The following SFMBT2 variants were observed in gnomAD, a reference collection of about 807,000 sequenced individuals.
SFMBT2 encodes the protein Scm like with four mbt domains 2.
SFMBT2 carries 38 observed loss-of-function variants against 110.1 expected under a neutral mutation model. That is an observed-to-expected ratio of 0.35 (90% CI 0.27 to 0.45). The LOEUF (loss-of-function observed/expected upper bound fraction) is 0.45, where lower values mean the gene tolerates loss of function less well. Among genes scored for constraint, SFMBT2 ranks in the 20% least tolerant of loss-of-function variants. The pLI is 1.00. For missense variants in SFMBT2, 1,011 were observed against 1,094.9 expected (o/e 0.92, Z 1.08); for synonymous variants, 425 against 425.4 (o/e 1.00, Z 0.01).
intron 4 of SFMBT2, among the ~76,000 whole-genome samples, chr10:7,322,203 G>T (rs754048133): frequency 2.6e-4 from 40 of 152,244 alleles, no homozygotes; most frequent in Non-Finnish European, 5.1e-4. Flanking sequence ...TAAATCTGAT[G>T]GTTTTATACA....
intron 11 of SFMBT2, among the ~76,000 whole-genome samples, chr10:7,218,076 T>G (rs1458059676): frequency 6.6e-6 from 1 of 152,216 alleles, no homozygotes; most frequent in African/African-American, 2.4e-5. Context: ...AAGTGGTCAG[T>G]CTAGTGTTGA....
intron 20 of SFMBT2, among the ~76,000 whole-genome samples, chr10:7,169,119 C>A (rs2692769): frequency 1.6e-4 from 24 of 151,976 alleles, no homozygotes; most frequent in African/African-American, 5.1e-4. Context: ...CCCACCACCA[C>A]GCCCAGCTAA....
At chr10:7,399,857 T>C (rs1846025838) in intron 1 of SFMBT2, among the ~76,000 whole-genome samples, 1 of 152,224 alleles carries the variant, frequency 6.6e-6, no homozygotes, top group Admixed American at 6.5e-5. Context: ...CTCACCTTCC[T>C]TGTTAAAACC....
At position 7,385,162 on chromosome 10, in the gene SFMBT2, G is replaced by A. The variant is rs117470180; in HGVS notation, c.-51-3213C>T. On this transcript the variant is annotated intron_variant, in intron 1 of 20. Transcript: ENST00000397167. ...TGTCCATCCAACCAAATACCCAAGC[G>A]TCCACTGAGAATGTTCAGAGGGTAC... Among the ~76,000 whole-genome samples the A allele has an allele frequency of 9.9e-5, 15 of 152,258 alleles. No homozygotes were observed. In the East Asian group the frequency reaches 1.4e-3, roughly 14 times the overall value.
rs771928501 is a variant in SFMBT2 at position 7,170,903 on chromosome 10, A to G, written c.2544+25T>C. 2 of 1,613,798 alleles carry G rather than the reference A, an allele frequency of 1.2e-6. No individual in the cohort carries two copies. Among genetic ancestry groups the G allele is most frequent in the South Asian group, 2.2e-5 (2 of 91,064 alleles). On this transcript the variant is annotated intron_variant, in intron 20 of 20. Coordinates refer to ENST00000397167, the MANE Select transcript of SFMBT2 (RefSeq NM_001387889.1). The surrounding 1 kb of genome is among the most constrained non-coding windows in gnomAD (Gnocchi z 4.6). ...GATGCAGAGTCTCAGCACATCAAAC[A>G]ATCGACACGCGGCAACCACCGTACC...
chr10:7,214,235 C>T (rs1293606058), intron 11 of SFMBT2, among the ~76,000 whole-genome samples: 1 of 152,218 alleles, frequency 6.6e-6, no homozygotes, highest in Non-Finnish European at 1.5e-5. Flanking sequence ...CAGCATCTTC[C>T]GGCCACCACT....
At chr10:7,256,708 C>T (rs1355682601) in intron 7 of SFMBT2, among the ~76,000 whole-genome samples, 2 of 152,202 alleles carry the variant, frequency 1.3e-5, no homozygotes, top group Non-Finnish European at 2.9e-5. Context: ...CTCTGACCAA[C>T]GTGGTTAATC....
intron 1 of SFMBT2, among the ~76,000 whole-genome samples, chr10:7,403,205 T>TA (rs1846126782): frequency 6.6e-6 from 1 of 152,202 alleles, no homozygotes; most frequent in Non-Finnish European, 1.5e-5. Flanking sequence ...AATCTAGTCT[T>TA]ACCCCATTTC....
At chr10:7,255,675 A>G (rs76071823) in intron 7 of SFMBT2, among the ~76,000 whole-genome samples, 2,740 of 152,292 alleles carry the variant, frequency 0.018, 63 homozygotes, top group African/African-American at 0.06. Flanking sequence ...AAGTGGTTCT[A>G]TCTACATCAA....
At chr10:7,228,729 TTCTTTCCTTTCTCTCTCTCTCTC>T (rs1840001232) in intron 9 of SFMBT2, among the ~76,000 whole-genome samples, 93 of 90,510 alleles carry the variant, frequency 1.0e-3, no homozygotes, top group African/African-American at 4.6e-3. Context: ...CTTTCTTTCT[TTCTTTCCTTTCTCTCTCTCTCTC>T]TCTCTCTCTC....
Position 7,172,601 on chromosome 10 carries a change from T to G in SFMBT2, c.2045A>C (p.Asp682Ala). The G allele has an allele frequency of 6.2e-7, 1 of 1,614,206 alleles. No individual in the cohort carries two copies. Among genetic ancestry groups the G allele is most frequent in the African/African-American group, 1.3e-5 (1 of 75,058 alleles). ...SKPPIGESNP[D>A]SGHPKPARRR... The stretch of plus-strand genomic sequence containing the variant: ...CCTGGCGGGTTTGGGGTGTCCGCTG[T>G]CGGGGTTGCTTTCCCCGATGGGGGG... Residue 682 changes from aspartate (D) to alanine (A), a missense_variant, in exon 18 of 21, where the codon GAC becomes GCC. Transcript: ENST00000397167. The surrounding 1 kb of genome is among the most constrained non-coding windows in gnomAD (Gnocchi z 4.6).
At chr10:7,385,722 A>G (rs2491055) in intron 1 of SFMBT2, among the ~76,000 whole-genome samples, 53,119 of 152,128 alleles carry the variant, frequency 0.35, 9,604 homozygotes, top group South Asian at 0.61. Context: ...TCTCCTGGCC[A>G]GGCACAGTGG....
Position 7,172,087 on chromosome 10 carries a change from C to G in SFMBT2, c.2223G>C (p.Arg741=). The change falls in exon 19 of 21, where the codon CGG becomes CGC. Residue 741 remains arginine, a synonymous_variant. Transcript: ENST00000397167. This position sits in a 1 kb window ranked among gnomAD's most constrained non-coding sequence, Gnocchi z 4.6. ...TASEETGSEL[R]DDQTDTSSAE... is the part of the protein sequence containing the mutation. The stretch of plus-strand genomic sequence containing the variant: ...CCGACGAGGTGTCCGTCTGGTCATC[C>G]CGGAGCTCGGAGCCGGTCTCCTCAC... 1 of 1,607,454 alleles carries G rather than the reference C, an allele frequency of 6.2e-7. No individual in the cohort carries two copies.
intron 6 of SFMBT2, among the ~76,000 whole-genome samples, chr10:7,283,692 C>T (rs1187672189): frequency 6.6e-6 from 1 of 152,204 alleles, no homozygotes; most frequent in Non-Finnish European, 1.5e-5. Flanking sequence ...TTCCCTAAGG[C>T]CTCTAACATT....
At chr10:7,244,813 G>T (rs1482281230) in intron 8 of SFMBT2, among the ~76,000 whole-genome samples, 1 of 152,100 alleles carries the variant, frequency 6.6e-6, no homozygotes, top group African/African-American at 2.4e-5. Context: ...ATTCACTTCT[G>T]TTCTTGCCTG....
intron 4 of SFMBT2, among the ~76,000 whole-genome samples, chr10:7,314,937 G>A (rs922011812): frequency 6.7e-6 from 1 of 149,092 alleles, no homozygotes; most frequent in Non-Finnish European, 1.5e-5. Flanking sequence ...GAGAGAGAGA[G>A]AGAAAGAGAA....
At chr10:7,218,877 C>A (rs917162102) in intron 11 of SFMBT2, among the ~76,000 whole-genome samples, 1 of 152,202 alleles carries the variant, frequency 6.6e-6, no homozygotes, top group African/African-American at 2.4e-5. Context: ...TAGCTAGTTT[C>A]TCCACCTATA....
At position 7,163,837 on chromosome 10, in the gene SFMBT2, G is replaced by T. The variant is rs1837619542; in HGVS notation, c.2618C>A (p.Pro873His). ...GATCTGGTGGCATAACTTGATGGCA[G>T]GCCCCAGCTTCAGCTCCATGCACTC... ...VQECMELKLG[P>H]AIKLCHQIER... Residue 873 changes from proline (P) to histidine (H), a missense_variant, in exon 21 of 21, where the codon CCT becomes CAT. Transcript: ENST00000397167. This position sits in a 1 kb window ranked among gnomAD's most constrained non-coding sequence, Gnocchi z 4.8. 1 of 1,614,236 alleles carries T rather than the reference G, an allele frequency of 6.2e-7. No homozygotes were observed. The highest frequency in any genetic ancestry group is 8.5e-7 in the Non-Finnish European group (1 of 1,180,046).
At chr10:7,405,686 A>G (rs1846190603) in intron 1 of SFMBT2, among the ~76,000 whole-genome samples, 1 of 152,174 alleles carries the variant, frequency 6.6e-6, no homozygotes. Flanking sequence ...AGATAGAAGC[A>G]CAGTGATCAT....
Sources: allele counts gnomAD v4.1 joint callset (sites outside exome capture counted in the v4.1 genomes callset), GRCh38; gene constraint gnomAD v4.1.1; non-coding constraint Gnocchi (gnomAD v3.1); transcripts MANE v1.5; gene names NCBI Gene and HGNC (gene_info 2026-07-23, HGNC 2026-07-21).